The following CTDSPL2 variants were observed in gnomAD, a reference collection of about 807,000 sequenced individuals.
CTDSPL2 encodes CTD small phosphatase-like protein 2.
CTDSPL2 carries 5 observed loss-of-function variants against 60.0 expected under a neutral mutation model. The observed-to-expected ratio is 0.08, with a 90% CI of 0.04 to 0.18. The LOEUF is 0.18. CTDSPL2 is among the 10% of genes least tolerant of loss of function. CTDSPL2 has a pLI of 1.00. For missense variants in CTDSPL2, 370 were observed against 548.8 expected, an observed-to-expected ratio of 0.67 and a Z score of 3.26; for synonymous variants, 186 against 189.3, an observed-to-expected ratio of 0.98 and a Z score of 0.14.
chr15:44,431,879 G>A lies in CTDSPL2; in HGVS notation c.-25+4107G>A, dbSNP rs563755931. 5.5e-4 allele frequency among the ~76,000 whole-genome samples: 84 copies of A among 151,702 alleles called. 1 individual carries two copies. Among genetic ancestry groups the A allele is most frequent in the East Asian group, 9.7e-4 (5 of 5,158 alleles). On this transcript the variant is annotated intron_variant, in intron 1 of 12. Coordinates refer to ENST00000260327, the MANE Select transcript of CTDSPL2 (RefSeq NM_016396.3). Reference sequence around the variant, plus strand: ...ATTACAGGCGCCCACCACGACGGCCGGCTAACTTTGTATTTTTTTTCTTTA... The same window carrying A: ...ATTACAGGCGCCCACCACGACGGCCAGCTAACTTTGTATTTTTTTTCTTTA...
intron 7 of CTDSPL2, 99 bp downstream of exon 7, chr15:44,497,237 G>C: frequency 1.5e-6 from 1 of 675,246 alleles, no homozygotes; most frequent in Admixed American, 2.8e-5. Flanking sequence ...TCAGGATCAT[G>C]TTTTCCTGAA....
chr15:44,446,686 G>T (rs1221922883), intron 1 of CTDSPL2, among the ~76,000 whole-genome samples: 1 of 149,846 alleles, frequency 6.7e-6, no homozygotes, highest in Non-Finnish European at 1.5e-5. Context: ...GAAATTGCTG[G>T]CTCAGAAGAG....
At chr15:44,501,892 T>G (rs1013021174) in intron 8 of CTDSPL2, 1 of 420,556 alleles carries the variant, frequency 2.4e-6, no homozygotes, top group Non-Finnish European at 4.7e-6. Context: ...AATCTTTGGG[T>G]TAGGGTTCCC....
At chr15:44,506,668 G>A (rs2081472324) in intron 8 of CTDSPL2, among the ~76,000 whole-genome samples, 1 of 151,946 alleles carries the variant, frequency 6.6e-6, no homozygotes, top group Non-Finnish European at 1.5e-5. Flanking sequence ...ACCCAGTTCA[G>A]ACTCCCAAAG....
intron 2 of CTDSPL2, among the ~76,000 whole-genome samples, chr15:44,480,060 C>T (rs1426625448): frequency 6.6e-6 from 1 of 152,128 alleles, no homozygotes; most frequent in African/African-American, 2.4e-5. Context: ...GCCCTACTCA[C>T]ATTTGATTCC....
Position 44,484,365 on chromosome 15 carries a change from T to C in CTDSPL2, c.325+3T>C. ...ACGGAAAAGTCAAGTAAATGGAGGTTTGTTAATATTTAGATACTGTTTTAT... is the reference window on the plus strand; with the variant it reads ...ACGGAAAAGTCAAGTAAATGGAGGTCTGTTAATATTTAGATACTGTTTTAT... On this transcript the variant is annotated splice_donor_region_variant and intron_variant, in intron 3 of 12. Transcript: ENST00000260327. 1 of 1,611,406 alleles carries C rather than the reference T, an allele frequency of 6.2e-7. No individual in the cohort carries two copies. The highest frequency in any genetic ancestry group is 8.5e-7 in the Non-Finnish European group (1 of 1,178,164).
At chr15:44,469,534 G>A (rs575265598) in intron 2 of CTDSPL2, among the ~76,000 whole-genome samples, 1 of 150,736 alleles carries the variant, frequency 6.6e-6, no homozygotes, top group Non-Finnish European at 1.5e-5. Context: ...CATTTTTCTT[G>A]TGATTTATTT....
At chr15:44,490,696 A>G (rs2081198804) in intron 4 of CTDSPL2, 88 bp from the exon 5 acceptor site, 2 of 957,414 alleles carry the variant, frequency 2.1e-6, no homozygotes, top group South Asian at 2.9e-5. Flanking sequence ...ATCAGTCTAA[A>G]TAAATATATT....
Position 44,526,539 on chromosome 15 carries a change from A to G in CTDSPL2, c.*2365A>G, listed in dbSNP as rs1168121488. On this transcript the variant is annotated 3_prime_UTR_variant, in exon 13 of 13. Transcript: ENST00000260327. The stretch of plus-strand genomic sequence containing the variant: ...AAGAAATAAACTAAGAAAATTTTTT[A>G]TGGCTTGAGAAAATTCCTTGAGGCC... The G allele has an allele frequency of 6.6e-6, 1 of 152,176 alleles. No homozygotes were observed. Among genetic ancestry groups the G allele is most frequent in the Non-Finnish European group, 1.5e-5 (1 of 67,978 alleles). The allele number at this position is 152,176 out of a possible 1,614,324, so 9.4% of individuals were successfully genotyped here. A position where few individuals can be genotyped will look rare whatever the true frequency, so the allele number is the denominator to read the frequency against.
intron 1 of CTDSPL2, among the ~76,000 whole-genome samples, chr15:44,428,618 C>G (rs903201551): frequency 6.6e-6 from 1 of 152,198 alleles, no homozygotes; most frequent in African/African-American, 2.4e-5. Context: ...TGAAATGAAA[C>G]GTACTCAGTA....
In CTDSPL2 at chr15:44,486,689, C is replaced by A; in HGVS notation, c.464C>A (p.Ala155Glu). ...FSPVFNFFSPANKNGTSGSDS... is the reference protein window; with the variant it reads ...FSPVFNFFSPENKNGTSGSDS... ...CCTGTCTTCAACTTTTTTTCACCAG[C>A]AAATAAAAATGGTAAGTATAAACTG... Residue 155 changes from alanine (A) to glutamate (E), a missense_variant, in exon 4 of 13, where the codon GCA (alanine) becomes GAA (glutamate). Transcript: ENST00000260327. The A allele has an allele frequency of 6.4e-7, 1 of 1,571,772 alleles. No individual in the cohort carries two copies. Among genetic ancestry groups the A allele is most frequent in the Non-Finnish European group, 8.6e-7 (1 of 1,163,632 alleles).
chr15:44,433,231 C>T (rs886435196), intron 1 of CTDSPL2, among the ~76,000 whole-genome samples: 4 of 149,496 alleles, frequency 2.7e-5, no homozygotes. Context: ...GGGGGAATTG[C>T]TTGAGCCCAG....
intron 1 of CTDSPL2, among the ~76,000 whole-genome samples, chr15:44,428,939 G>C (rs1054944318): frequency 6.6e-6 from 1 of 152,100 alleles, no homozygotes; most frequent in Non-Finnish European, 1.5e-5. Context: ...TAAGGAGGCT[G>C]TTGGTGTTTT....
intron 2 of CTDSPL2, among the ~76,000 whole-genome samples, chr15:44,461,027 G>A (rs1208691925): frequency 6.6e-6 from 1 of 152,136 alleles, no homozygotes; most frequent in Non-Finnish European, 1.5e-5. Context: ...ACAGATCTGT[G>A]TTTCCTTACA....
At chr15:44,473,767 C>T (rs922646274) in intron 2 of CTDSPL2, among the ~76,000 whole-genome samples, 2 of 152,168 alleles carry the variant, frequency 1.3e-5, no homozygotes, top group African/African-American at 2.4e-5. Flanking sequence ...AGAAACTGCC[C>T]AGCTATTTCA....
intron 8 of CTDSPL2, among the ~76,000 whole-genome samples, chr15:44,509,009 G>T (rs1279046143): frequency 6.6e-6 from 1 of 151,396 alleles, no homozygotes; most frequent in African/African-American, 2.4e-5. Context: ...TGTAATTTTT[G>T]GGGGGGTCAT....
At chr15:44,501,264 T>C (rs1348096100) in intron 8 of CTDSPL2, among the ~76,000 whole-genome samples, 1 of 152,114 alleles carries the variant, frequency 6.6e-6, no homozygotes, top group African/African-American at 2.4e-5. Context: ...TTGAAAAATA[T>C]AGATAAACAA....
At chr15:44,522,247 T>C (rs1239279420) in intron 12 of CTDSPL2, among the ~76,000 whole-genome samples, 1 of 152,088 alleles carries the variant, frequency 6.6e-6, no homozygotes, top group Non-Finnish European at 1.5e-5. Flanking sequence ...TTTCCCAGGC[T>C]GGTCTTGAAC....
chr15:44,449,711 C>T (rs1220866203), intron 1 of CTDSPL2, among the ~76,000 whole-genome samples: 1 of 151,964 alleles, frequency 6.6e-6, no homozygotes, highest in Non-Finnish European at 1.5e-5. Context: ...AAAAAGTAGC[C>T]AGGCGTGGTG....
Sources: gnomAD v4.1 joint callset for allele counts (sites outside exome capture counted in the v4.1 genomes callset) on GRCh38, gnomAD v4.1.1 for gene constraint, MANE v1.5 for transcripts, NCBI Gene and HGNC (gene_info 2026-07-23, HGNC 2026-07-21) for gene names.